BRCA2: variants seen among roughly 807,000 people sequenced by gnomAD.
BRCA2 encodes the protein breast cancer type 2 susceptibility protein.
A neutral mutation model predicts 276.7 loss-of-function variants in BRCA2; 203 were observed. The observed-to-expected ratio is 0.73, with a 90% CI of 0.65 to 0.82. The LOEUF is 0.82. BRCA2 is among the 40% of genes least tolerant of loss of function. The pLI, the probability that BRCA2 is intolerant of heterozygous loss-of-function variation, is 0.00. For missense variants in BRCA2, 3,920 were observed against 3,915.0 expected, an observed-to-expected ratio of 1.00 and a Z score of -0.03; for synonymous variants, 1,289 against 1,338.4, an observed-to-expected ratio of 0.96 and a Z score of 0.81.
In BRCA2 at chr13:32,339,622, T is replaced by A. The variant is rs770664957; in HGVS notation, c.5267T>A (p.Val1756Glu). 6.2e-7 allele frequency: 1 copy of A among 1,612,010 alleles called. No homozygotes were observed. The highest frequency in any genetic ancestry group is 8.5e-7 in the Non-Finnish European group (1 of 1,178,358). ...SNSYSYHSDE[V>E]YNDSGYLSKN... ...AGCTATTCCTACCATTCTGATGAGGTATATAATGATTCAGGATATCTCTCA... is the reference window on the plus strand; with the variant it reads ...AGCTATTCCTACCATTCTGATGAGGAATATAATGATTCAGGATATCTCTCA... The change falls in exon 11 of 27, where the codon GTA becomes GAA. Residue 1756 changes from valine to glutamate, a missense_variant. Val to Glu is a moderately radical substitution (Grantham distance 121, BLOSUM62 -2). This residue lies in a region of BRCA2 where 3,263 missense variants were observed against 3,156.9 expected (regional missense o/e 1.03). Coordinates refer to ENST00000380152, the MANE Select transcript of BRCA2 (RefSeq NM_000059.4).
In BRCA2 at chr13:32,363,327, A is replaced by G. The variant is rs398122596; in HGVS notation, c.8125A>G (p.Ser2709Gly). 12 of 1,614,108 alleles carry G rather than the reference A, an allele frequency of 7.4e-6. No individual in the cohort carries two copies. The African/African-American group carries it at 1.6e-4, about 22-fold the overall frequency. ...ATCTGAAACTTCTAGCAATAAAACTAGTAGTGCAGATACCCAAAAAGTGGC... is the reference window on the plus strand; with the variant it reads ...ATCTGAAACTTCTAGCAATAAAACTGGTAGTGCAGATACCCAAAAAGTGGC... ...NISETSSNKTSSADTQKVAII... is the reference protein window; with the variant it reads ...NISETSSNKTGSADTQKVAII... The change falls in exon 18 of 27, where the codon AGT becomes GGT. Residue 2709 changes from serine to glycine, a missense_variant. Physicochemically the swap from Ser to Gly is moderately conservative, Grantham distance 56. Coordinates refer to ENST00000380152, the MANE Select transcript of BRCA2 (RefSeq NM_000059.4).
chr13:32,319,459 T>A, intron 3 of BRCA2, 134 bp downstream of exon 3: 2 of 868,476 alleles, frequency 2.3e-6, no homozygotes, highest in Non-Finnish European at 1.8e-6. Context: ...TTTTCCTCAC[T>A]CGAAAAATGG....
At chr13:32,347,529 A>G (rs1486620618) in intron 13 of BRCA2, among the ~76,000 whole-genome samples, 1 of 152,210 alleles carries the variant, frequency 6.6e-6, no homozygotes, top group African/African-American at 2.4e-5. Context: ...TTCTTCTGCC[A>G]GGAAATCAGA....
rs753215585 is a variant in BRCA2 at position 32,370,606 on chromosome 13, A to G, written c.8487+49A>G. Reference sequence around the variant, plus strand: ...CCATATATTTCTTTCTTTTGATACAATTAATTTGTTTGTTTGTTTGAGATG... The same window carrying G: ...CCATATATTTCTTTCTTTTGATACAGTTAATTTGTTTGTTTGTTTGAGATG... On this transcript the variant is annotated intron_variant, in intron 19 of 26. Coordinates refer to ENST00000380152, the MANE Select transcript of BRCA2 (RefSeq NM_000059.4). 5.1e-6 allele frequency: 8 copies of G among 1,573,844 alleles called. No individual in the cohort carries two copies. Among genetic ancestry groups the G allele is most frequent in the Middle Eastern group, 1.7e-4 (1 of 5,986 alleles).
chr13:32,340,504 T>C lies in BRCA2; in HGVS notation c.6149T>C (p.Val2050Ala), dbSNP rs767873595. 6.2e-7 allele frequency: 1 copy of C among 1,613,666 alleles called. No homozygotes were observed. Among genetic ancestry groups the C allele is most frequent in the Non-Finnish European group, 8.5e-7 (1 of 1,179,770 alleles). Reference sequence around the variant, plus strand: ...CAAAAAGGCTTTTCATATAATGTGGTAAATTCATCTGCTTTCTCTGGATTT... The same window carrying C: ...CAAAAAGGCTTTTCATATAATGTGGCAAATTCATCTGCTTTCTCTGGATTT... ...ISQKGFSYNV[V>A]NSSAFSGFST... The change falls in exon 11 of 27, where the codon GTA (valine) becomes GCA (alanine). Residue 2050 changes from valine to alanine, a missense_variant. Around this residue, in one of 2 missense-constraint regions of BRCA2, gnomAD observed 3,263 missense variants for 3,156.9 expected, o/e 1.03. Transcript: ENST00000380152.
chr13:32,364,948 C>T lies in BRCA2; in HGVS notation c.8331+1415C>T, dbSNP rs11571727. ...TTTTTCCCCCAATTTTAAGGGCCCA[C>T]AACTCTCAGAGGCTTGTTGGGAAAA... On this transcript the variant is annotated intron_variant, in intron 18 of 26. Transcript: ENST00000380152. Among the ~76,000 whole-genome samples, 6,152 of 152,052 alleles carry T rather than the reference C, an allele frequency of 0.04. 211 individuals are homozygous for T. Among genetic ancestry groups the T allele is most frequent in the South Asian group, 0.11 (545 of 4,808 alleles).
At chr13:32,367,089 G>A (rs761407066) in intron 18 of BRCA2, among the ~76,000 whole-genome samples, 12 of 152,096 alleles carry the variant, frequency 7.9e-5, no homozygotes, top group Non-Finnish European at 1.3e-4. Flanking sequence ...ACTTAGGAGT[G>A]TAATAGAATA....
intron 7 of BRCA2, among the ~76,000 whole-genome samples, 185 bp downstream of exon 7, chr13:32,326,798 G>T (rs1258723714): frequency 6.6e-6 from 1 of 151,544 alleles, no homozygotes; most frequent in Non-Finnish European, 1.5e-5. Context: ...AATACATTTA[G>T]TGGTAGTCCA....
chr13:32,361,118 T>G (rs903493047), intron 16 of BRCA2, among the ~76,000 whole-genome samples: 8 of 152,092 alleles, frequency 5.3e-5, no homozygotes, highest in Admixed American at 5.2e-4. Context: ...TCACAAGTCA[T>G]CGGCATATAG....
chr13:32,346,414 G>C (rs2072611117), intron 12 of BRCA2, among the ~76,000 whole-genome samples: 1 of 151,954 alleles, frequency 6.6e-6, no homozygotes, highest in African/African-American at 2.4e-5. Context: ...GTGTTTCCTA[G>C]TTTATTTAAC....
At position 32,399,747 on chromosome 13, in the gene BRCA2, A is replaced by G. The variant is rs117366711; in HGVS notation, c.*977A>G. ...TTTAAACTTACCACAAAAGCAGAAG[A>G]TTAATTCAATTTAAGATGATACTCT... On this transcript the variant is annotated 3_prime_UTR_variant, in exon 27 of 27. Coordinates refer to ENST00000380152, the MANE Select transcript of BRCA2 (RefSeq NM_000059.4). 4.5e-3 allele frequency: 714 copies of G among 159,552 alleles called. No homozygotes were observed. The highest frequency in any genetic ancestry group is 0.012 in the Middle Eastern group (4 of 342). 9.9% of individuals were successfully genotyped at this position (159,552 alleles called of 1,614,324 possible).
At chr13:32,323,751 C>T (rs917682133) in intron 3 of BRCA2, among the ~76,000 whole-genome samples, 1 of 152,062 alleles carries the variant, frequency 6.6e-6, no homozygotes, top group Non-Finnish European at 1.5e-5. Context: ...TAGGACCAAC[C>T]GAAGCAACTA....
Position 32,369,862 on chromosome 13 carries a change from C to T in BRCA2, c.8332-540C>T, listed in dbSNP as rs923245031. ...GTGTTGGGATTACAGGCATGAGCCA[C>T]CTTGCCTGGCCAAAGATTAATTGTT... On this transcript the variant is annotated intron_variant, in intron 18 of 26. Transcript: ENST00000380152. Among the ~76,000 whole-genome samples the T allele has an allele frequency of 1.7e-4, 26 of 152,214 alleles. 1 individual carries two copies. Among genetic ancestry groups the T allele is most frequent in the African/African-American group, 5.5e-4 (23 of 41,444 alleles).
At chr13:32,326,332 A>G (rs1358069145) in intron 6 of BRCA2, 50 bp downstream of exon 6, 2 of 1,576,162 alleles carry the variant, frequency 1.3e-6, no homozygotes, top group South Asian at 2.2e-5. Flanking sequence ...TGAGAATTTG[A>G]CAATAGCGTT....
intron 3 of BRCA2, among the ~76,000 whole-genome samples, chr13:32,323,474 T>C (rs185799040): frequency 2.5e-4 from 38 of 152,308 alleles, no homozygotes; most frequent in Admixed American, 2.0e-3. Context: ...TTAAAGTCAA[T>C]TTTCTTTCAA....
In BRCA2 at chr13:32,344,755, C is replaced by T. The variant is rs1231137666; in HGVS notation, c.6937+102C>T. On this transcript the variant is annotated intron_variant, in intron 12 of 26. Transcript: ENST00000380152. Reference sequence around the variant, plus strand: ...CCTGCCTCTCAAAGTGCTGGGATTACAGACATGAGCCACTGTGCCTAATCA... The same window carrying T: ...CCTGCCTCTCAAAGTGCTGGGATTATAGACATGAGCCACTGTGCCTAATCA... 8.6e-6 allele frequency: 7 copies of T among 815,754 alleles called. No homozygotes were observed. In the Admixed American group the frequency reaches 1.1e-4, roughly 13 times the overall value. 50.5% of individuals were successfully genotyped at this position (815,754 alleles called of 1,614,324 possible).
intron 13 of BRCA2, among the ~76,000 whole-genome samples, chr13:32,352,229 CTTTT>C (rs879682221): frequency 6.8e-6 from 1 of 147,086 alleles, no homozygotes; most frequent in Non-Finnish European, 1.5e-5. Context: ...TTTTTCATTT[CTTTT>C]TTTTTTATCA....
chr13:32,365,820 T>A (rs2072778294), intron 18 of BRCA2, among the ~76,000 whole-genome samples: 1 of 150,908 alleles, frequency 6.6e-6, no homozygotes, highest in African/African-American at 2.4e-5. Flanking sequence ...CTTCATTGAG[T>A]TCTGGAAAAT....
intron 21 of BRCA2, among the ~76,000 whole-genome samples, chr13:32,377,439 A>G (rs1283462076): frequency 2.0e-5 from 3 of 152,088 alleles, no homozygotes; most frequent in Non-Finnish European, 4.4e-5. Context: ...TAAAAATACA[A>G]AATTAGCCAG....
Sources: gnomAD v4.1 joint callset for allele counts (sites outside exome capture counted in the v4.1 genomes callset) on GRCh38, gnomAD v4.1.1 for gene constraint, gnomAD v4.1.1 regional missense constraint, MANE v1.5 for transcripts, NCBI Gene and HGNC (gene_info 2026-07-23, HGNC 2026-07-21) for gene names.